The following IKZF5 variants were observed in gnomAD, a reference collection of about 807,000 sequenced individuals.
IKZF5 encodes zinc finger protein Pegasus.
In IKZF5, 4 loss-of-function variants were observed where a neutral mutation model predicts 30.7. The observed-to-expected ratio is 0.13, with a 90% CI of 0.06 to 0.30. The LOEUF (loss-of-function observed/expected upper bound fraction) is 0.30, where lower values mean the gene tolerates loss of function less well. IKZF5 is among the 10% of genes least tolerant of loss of function. The pLI is 1.00. For missense variants in IKZF5, 348 were observed against 525.5 expected (o/e 0.66, Z 3.30); for synonymous variants, 148 against 179.6 (o/e 0.82, Z 1.41).
At chr10:123,004,760 A>T (rs1473133485) in intron 2 of IKZF5, among the ~76,000 whole-genome samples, 3 of 152,182 alleles carry the variant, frequency 2.0e-5, no homozygotes, top group Admixed American at 6.5e-5. Flanking sequence ...GTCATGATTT[A>T]AAAATTAGGT....
intron 2 of IKZF5, among the ~76,000 whole-genome samples, chr10:123,004,822 TC>T (rs1275945452): frequency 6.6e-6 from 1 of 152,122 alleles, no homozygotes; most frequent in African/African-American, 2.4e-5. Context: ...ATGGCCTCTA[TC>T]CCATATATCC....
At chr10:123,005,937 C>A (rs1849764151) in intron 2 of IKZF5, among the ~76,000 whole-genome samples, 1 of 152,142 alleles carries the variant, frequency 6.6e-6, no homozygotes, top group African/African-American at 2.4e-5. Context: ...GAACAATATC[C>A]CCATACTTTA....
chr10:123,003,680 A>G (rs9423306), intron 2 of IKZF5, among the ~76,000 whole-genome samples: 88,847 of 152,120 alleles, frequency 0.58, 27,209 homozygotes, highest in Non-Finnish European at 0.69. Flanking sequence ...GTTATAACTT[A>G]GATTTTAAAA....
At position 122,992,398 on chromosome 10, in the gene IKZF5, C is replaced by G. The variant is rs1849193113; in HGVS notation, c.*1382G>C. 1.3e-5 allele frequency: 2 copies of G among 151,960 alleles called. No individual in the cohort carries two copies. Among genetic ancestry groups the G allele is most frequent in the African/African-American group, 4.8e-5 (2 of 41,382 alleles). 9.4% of individuals were successfully genotyped at this position (151,960 alleles called of 1,614,324 possible). On this transcript the variant is annotated 3_prime_UTR_variant, in exon 5 of 5. Coordinates refer to ENST00000368886, the MANE Select transcript of IKZF5 (RefSeq NM_001372123.1). ...ATTAGGGGCACATTCAACATATGAA[C>G]AAAATTAAAAATAGAATTTTTGCAA...
At position 122,992,757 on chromosome 10, in the gene IKZF5, G is replaced by T. The variant is rs553350891; in HGVS notation, c.*1023C>A. 1 of 152,304 alleles carries T rather than the reference G, an allele frequency of 6.6e-6. No individual in the cohort carries two copies. The highest frequency in any genetic ancestry group is 1.5e-5 in the Non-Finnish European group (1 of 67,988). The allele number at this position is 152,304 out of a possible 1,614,324, so 9.4% of individuals were successfully genotyped here. On this transcript the variant is annotated 3_prime_UTR_variant, in exon 5 of 5. Transcript: ENST00000368886. ...TATTTTAAATGGCTAATTCTGAAGA[G>T]GAGACAAGAATCCATTTTGGACATG...
At position 122,993,889 on chromosome 10, in the gene IKZF5, C is replaced by A; in HGVS notation, c.1151G>T (p.Gly384Val). Residue 384 changes from glycine (G) to valine (V), a missense_variant, in exon 5 of 5, where the codon GGA becomes GTA. By Grantham distance (109) the Gly-to-Val change is moderately radical. Coordinates refer to ENST00000368886, the MANE Select transcript of IKZF5 (RefSeq NM_001372123.1). ...ADNILYTIHM[G>V]CHGYENPFQC... is the part of the protein sequence containing the mutation. ...AAAAGGATTTTCATACCCATGACAT[C>A]CCATATGAATAGTGTAAAGGATGTT... The A allele has an allele frequency of 6.2e-7, 1 of 1,614,054 alleles. No homozygotes were observed. The highest frequency in any genetic ancestry group is 8.5e-7 in the Non-Finnish European group (1 of 1,179,892).
At chr10:123,003,174 G>A (rs992235229) in intron 2 of IKZF5, among the ~76,000 whole-genome samples, 1 of 139,502 alleles carries the variant, frequency 7.2e-6, no homozygotes, top group Non-Finnish European at 1.5e-5. Flanking sequence ...GGGATTACAG[G>A]TGCCCGCTAC....
In IKZF5 at chr10:122,992,076, AAAC is replaced by A. The variant is rs1849180899; in HGVS notation, c.*1701_*1703del. On this transcript the variant is annotated 3_prime_UTR_variant, in exon 5 of 5. Coordinates refer to ENST00000368886, the MANE Select transcript of IKZF5 (RefSeq NM_001372123.1). ...AATGGATCTGAGCAGTCTGTGATTT[AAAC>A]AACAATGTAACAGAATTGTAGAATT... is the stretch of plus-strand genomic sequence containing the variant. The A allele has an allele frequency of 6.6e-6, 1 of 152,262 alleles. No homozygotes were observed. The allele number at this position is 152,262 out of a possible 1,614,324, so 9.4% of individuals were successfully genotyped here.
Position 122,993,985 on chromosome 10 carries a change from G to A in IKZF5, c.1055C>T (p.Ala352Val). 6.2e-7 allele frequency: 1 copy of A among 1,614,134 alleles called. No homozygotes were observed. Among genetic ancestry groups the A allele is most frequent in the Non-Finnish European group, 8.5e-7 (1 of 1,180,012 alleles). ...AGGGTCCTGGACCGGCAGGGCTGGG[G>A]CTGGGGTGCTTGGCTGGCTGTTTCC... ...SIGNSQPSTP[A>V]PALPVQDPQL... is the part of the protein sequence containing the mutation. Residue 352 changes from alanine to valine, a missense_variant, in exon 5 of 5, where the codon GCC becomes GTC. Ala to Val is a moderately conservative substitution (Grantham distance 64, BLOSUM62 0). Coordinates refer to ENST00000368886, the MANE Select transcript of IKZF5 (RefSeq NM_001372123.1).
At chr10:122,995,922 C>T in intron 4 of IKZF5, 72 bp downstream of exon 4, 12 of 1,452,882 alleles carry the variant, frequency 8.3e-6, no homozygotes, top group Non-Finnish European at 1.1e-5. Context: ...ATTTCTATGA[C>T]AAACCAACCT....
intron 2 of IKZF5, 141 bp from the exon 3 acceptor site, chr10:122,998,812 A>C (rs1849484010): frequency 2.5e-6 from 1 of 393,576 alleles, no homozygotes; most frequent in African/African-American, 2.1e-5. Context: ...TGGTGAACTA[A>C]AGACATACAC....
chr10:123,007,116 A>C lies in IKZF5; in HGVS notation c.-137T>G, dbSNP rs1200417047. 6.6e-6 allele frequency: 1 copy of C among 152,222 alleles called. No homozygotes were observed. The highest frequency in any genetic ancestry group is 2.4e-5 in the African/African-American group (1 of 41,466). 9.4% of individuals were successfully genotyped at this position (152,222 alleles called of 1,614,324 possible). A position where few individuals can be genotyped will look rare whatever the true frequency, so the allele number is the denominator to read the frequency against. The stretch of plus-strand genomic sequence containing the variant: ...TGAAATTTACTTCGGAGATACAGCA[A>C]GGGACTCCAAAAGGCCATGGAGAGA... On this transcript the variant is annotated 5_prime_UTR_variant, in exon 2 of 5. Coordinates refer to ENST00000368886, the MANE Select transcript of IKZF5 (RefSeq NM_001372123.1).
intron 4 of IKZF5, 133 bp downstream of exon 4, chr10:122,995,861 T>C (rs8192670): frequency 1.3e-6 from 1 of 784,552 alleles, no homozygotes; most frequent in African/African-American, 1.7e-5. Context: ...TGGAGTAACT[T>C]TCCCATTTAT....
chr10:123,002,789 A>G (rs991955484), intron 2 of IKZF5, among the ~76,000 whole-genome samples: 1 of 150,842 alleles, frequency 6.6e-6, no homozygotes, highest in Non-Finnish European at 1.5e-5. Context: ...CTCCGTCTAA[A>G]AAAAAAAAAA....
At chr10:122,995,141 GA>G (rs34133849) in intron 4 of IKZF5, among the ~76,000 whole-genome samples, 88,635 of 151,314 alleles carry the variant, frequency 0.59, 27,136 homozygotes, top group Non-Finnish European at 0.69. Flanking sequence ...TTTGCTCACA[GA>G]AAAAAAAATA....
At chr10:123,008,087 C>CAAA (rs1178283689) in intron 1 of IKZF5, among the ~76,000 whole-genome samples, 2 of 152,092 alleles carry the variant, frequency 1.3e-5, no homozygotes, top group Non-Finnish European at 1.5e-5. Flanking sequence ...ATCTAAACCC[C>CAAA]GAATGAACCT....
intron 2 of IKZF5, among the ~76,000 whole-genome samples, chr10:123,001,842 G>A (rs936337605): frequency 1.3e-5 from 2 of 152,196 alleles, no homozygotes; most frequent in Admixed American, 1.3e-4. Context: ...TAGGGTTGAG[G>A]AATGAGGGGG....
At chr10:123,007,765 C>A (rs958054640) in intron 1 of IKZF5, among the ~76,000 whole-genome samples, 1 of 152,248 alleles carries the variant, frequency 6.6e-6, no homozygotes, top group South Asian at 2.1e-4. Flanking sequence ...TAATAATAAC[C>A]TTTAGCTGTT....
At chr10:123,001,495 A>G (rs547024531) in intron 2 of IKZF5, among the ~76,000 whole-genome samples, 1 of 152,004 alleles carries the variant, frequency 6.6e-6, no homozygotes, top group Admixed American at 6.5e-5. Flanking sequence ...TTTTATCTGG[A>G]CTTGAGTTTT....
Sources: gnomAD v4.1 joint callset for allele counts (sites outside exome capture counted in the v4.1 genomes callset) on GRCh38, gnomAD v4.1.1 for gene constraint, MANE v1.5 for transcripts, NCBI Gene and HGNC (gene_info 2026-07-23, HGNC 2026-07-21) for gene names.